Variants in DPH6 observed in about 807,000 individuals in gnomAD.
DPH6 encodes the protein diphthamine biosynthesis 6.
A neutral mutation model predicts 38.2 loss-of-function variants in DPH6; 33 were observed. The ratio of observed to expected loss-of-function variants is 0.86; its 90% CI spans 0.65 to 1.15. The LOEUF is 1.15. Ranked by LOEUF, DPH6 falls within the 50% of genes most tolerant of loss-of-function variation. The pLI is 0.00. For synonymous variants in DPH6, 108 were observed against 103.0 expected (o/e 1.05, Z -0.30); for missense variants, 325 against 320.0 (o/e 1.02, Z -0.12).
intron 3 of DPH6, among the ~76,000 whole-genome samples, chr15:35,332,730 A>C (rs1251839121): frequency 6.6e-6 from 1 of 152,084 alleles, no homozygotes; most frequent in Admixed American, 6.6e-5. Flanking sequence ...TGTCTATCTC[A>C]AAGTAGATGC....
chr15:35,342,421 C>T lies in DPH6; in HGVS notation n.208-11344G>A, dbSNP rs182397404. ...CTTCCCTTGGCTAGGGGTGGCAGTT[C>T]CTTTGGCTCCATGCTGCTCCCGGGT... On this transcript the variant is annotated intron_variant and non_coding_transcript_variant, in intron 3 of 3. Transcript: ENST00000558973. 6.6e-5 allele frequency among the ~76,000 whole-genome samples: 10 copies of T among 152,318 alleles called. No individual in the cohort carries two copies. In the East Asian group the frequency reaches 1.9e-3, roughly 29 times the overall value.
At chr15:35,416,772 T>C (rs1242067258) in intron 5 of DPH6, among the ~76,000 whole-genome samples, 2 of 152,094 alleles carry the variant, frequency 1.3e-5, no homozygotes, top group Non-Finnish European at 2.9e-5. Flanking sequence ...TCATGATCAC[T>C]GTCCATATGC....
At chr15:35,289,473 A>T (rs2051964921) in intron 3 of DPH6, among the ~76,000 whole-genome samples, 1 of 152,178 alleles carries the variant, frequency 6.6e-6, no homozygotes, top group Non-Finnish European at 1.5e-5. Context: ...ATTTTTTATG[A>T]TCATGGGTAG....
chr15:35,238,196 G>A, intron 3 of DPH6: 1 of 356,278 alleles, frequency 2.8e-6, no homozygotes, highest in Admixed American at 3.4e-5. Flanking sequence ...GAACGAGAGG[G>A]GAAAGGTGTA....
chr15:35,448,435 T>TATGTTGTC (rs1242372736), intron 5 of DPH6, among the ~76,000 whole-genome samples: 1 of 152,128 alleles, frequency 6.6e-6, no homozygotes, highest in Non-Finnish European at 1.5e-5. Flanking sequence ...TGATAATCCT[T>TATGTTGTC]ATGTTGTCTT....
chr15:35,149,322 C>G, the DPH6 span, among the ~76,000 whole-genome samples: 1 of 152,214 alleles, frequency 6.6e-6, no homozygotes, highest in South Asian at 2.1e-4. Context: ...ACTGCAACCT[C>G]TGCCTCCCAG....
intron 3 of DPH6, among the ~76,000 whole-genome samples, chr15:35,482,380 C>G (rs2054337781): frequency 6.6e-6 from 1 of 152,124 alleles, no homozygotes; most frequent in African/African-American, 2.4e-5. Context: ...CCTCCCTGAC[C>G]TGAGGCTGTG....
intron 5 of DPH6, among the ~76,000 whole-genome samples, chr15:35,420,429 G>T (rs974482351): frequency 6.6e-6 from 1 of 152,126 alleles, no homozygotes. Context: ...CAGAATAAAG[G>T]ACATAACAAA....
In DPH6 at chr15:35,504,623, C is replaced by T. The variant is rs75234546; in HGVS notation, c.312+33651G>A. On this transcript the variant is annotated intron_variant, in intron 3 of 8. Coordinates refer to ENST00000256538, the MANE Select transcript of DPH6 (RefSeq NM_080650.4). ...CCATACCCAGAACAGGGCACTGACT[C>T]AGAACACATTTGATGAATGAATGGA... 3.1e-3 allele frequency among the ~76,000 whole-genome samples: 471 copies of T among 152,114 alleles called. 3 individuals carry two copies. The East Asian group carries it at 0.034, about 11-fold the overall frequency.
At chr15:35,490,440 C>A (rs2054461668) in intron 3 of DPH6, among the ~76,000 whole-genome samples, 1 of 152,138 alleles carries the variant, frequency 6.6e-6, no homozygotes, top group African/African-American at 2.4e-5. Flanking sequence ...ATAATGACAG[C>A]AATCTGCTGT....
intron 6 of DPH6, among the ~76,000 whole-genome samples, chr15:35,408,519 T>C (rs2053324382): frequency 6.6e-6 from 1 of 151,854 alleles, no homozygotes; most frequent in Non-Finnish European, 1.5e-5. Flanking sequence ...CAGAAAGACT[T>C]GGGAGTCATC....
chr15:35,282,959 G>T, intron 3 of DPH6: 1 of 305,644 alleles, frequency 3.3e-6, no homozygotes, highest in South Asian at 4.0e-5. Context: ...GTTCAGGCTT[G>T]GCCTGCACAT....
intron 3 of DPH6, chr15:35,489,754 A>C (rs1297048900): frequency 4.1e-6 from 4 of 981,828 alleles, no homozygotes; most frequent in African/African-American, 3.5e-5. Flanking sequence ...AGAAACTATA[A>C]AGTATTTTGC....
At chr15:35,359,244 C>G (rs1273145803) in intron 3 of DPH6, among the ~76,000 whole-genome samples, 1 of 152,072 alleles carries the variant, frequency 6.6e-6, no homozygotes, top group Admixed American at 6.5e-5. Context: ...CCCCTCAACA[C>G]CCCCCAGACT....
intron 5 of DPH6, among the ~76,000 whole-genome samples, chr15:35,430,974 C>G (rs2053625783): frequency 6.6e-6 from 1 of 152,020 alleles, no homozygotes; most frequent in Non-Finnish European, 1.5e-5. Flanking sequence ...AAAACAAAAA[C>G]AAAACCTCCT....
intron 3 of DPH6, among the ~76,000 whole-genome samples, chr15:35,342,552 C>G (rs972279501): frequency 2.0e-5 from 3 of 152,166 alleles, no homozygotes; most frequent in African/African-American, 7.2e-5. Flanking sequence ...GTGCTAAATT[C>G]ACTCAAAGCT....
rs1322081835 is a variant in DPH6, at chr15:35,448,984, A to T, written c.505+1701T>A. ...CCCCACAGAAAGGTCTTATTGTCTCATTTTTTTTTTTTTTGCTTAAATCCA... is the reference window on the plus strand; with the variant it reads ...CCCCACAGAAAGGTCTTATTGTCTCTTTTTTTTTTTTTTTGCTTAAATCCA... On this transcript the variant is annotated intron_variant, in intron 5 of 8. Transcript: ENST00000256538. Among the ~76,000 whole-genome samples the T allele has an allele frequency of 1.6e-3, 221 of 136,580 alleles. 1 individual carries two copies. The highest frequency in any genetic ancestry group is 5.6e-3 in the African/African-American group (209 of 37,550). The allele number at this position is 136,580 out of a possible 152,430, so 89.6% of individuals were successfully genotyped here.
Position 35,543,259 on chromosome 15 carries a change from A to ATATATATATATAT in DPH6, c.24-753_24-752insATATATATATATA, listed in dbSNP as rs1491418079. Among the ~76,000 whole-genome samples, 21 of 114,112 alleles carry ATATATATATATAT rather than the reference A, an allele frequency of 1.8e-4. 1 individual carries two copies. The highest frequency in any genetic ancestry group is 3.7e-4 in the African/African-American group (9 of 24,296). 74.9% of individuals were successfully genotyped at this position (114,112 alleles called of 152,430 possible). The stretch of plus-strand genomic sequence containing the variant: ...ATACATATAGTACACACATACACAT[A>ATATATATATATAT]ATATATATATATATATATATATATA... On this transcript the variant is annotated intron_variant, in intron 1 of 8. Transcript: ENST00000256538.
chr15:35,254,275 A>G (rs1163501746), intron 3 of DPH6, among the ~76,000 whole-genome samples: 1 of 152,246 alleles, frequency 6.6e-6, no homozygotes, highest in Non-Finnish European at 1.5e-5. Context: ...CTGAATATAC[A>G]ACATGACTGC....
Sources: gnomAD v4.1 joint callset for allele counts (sites outside exome capture counted in the v4.1 genomes callset) on GRCh38, gnomAD v4.1.1 for gene constraint, MANE v1.5 for transcripts, NCBI Gene and HGNC (gene_info 2026-07-23, HGNC 2026-07-21) for gene names.